EYA1: variants seen among roughly 807,000 people sequenced by gnomAD.
The protein encoded by EYA1 is protein phosphatase EYA1.
Under a neutral mutation model 82.0 loss-of-function variants are expected in EYA1, and 16 were observed. That is an observed-to-expected ratio of 0.20 (90% CI 0.13 to 0.30). EYA1 has a LOEUF of 0.30. Ranked by LOEUF, EYA1 falls within the 10% of genes least tolerant of loss-of-function variation. EYA1 has a pLI of 1.00. For missense variants in EYA1, 633 were observed against 730.7 expected (o/e 0.87, Z 1.54); for synonymous variants, 261 against 264.4 (o/e 0.99, Z 0.12).
At chr8:71,273,287 T>C (rs1294992204) in intron 9 of EYA1, among the ~76,000 whole-genome samples, 1 of 152,248 alleles carries the variant, frequency 6.6e-6, no homozygotes, top group Non-Finnish European at 1.5e-5. Context: ...CCTGTAAGCT[T>C]ATTAATGACA....
At chr8:71,462,183 G>T (rs1808411831) in intron 2 of EYA1, among the ~76,000 whole-genome samples, 1 of 152,146 alleles carries the variant, frequency 6.6e-6, no homozygotes, top group Non-Finnish European at 1.5e-5. Context: ...CGTCCATGGT[G>T]CCCAGGCTGC....
At chr8:71,538,049 A>G (rs147844959) in intron 1 of EYA1, among the ~76,000 whole-genome samples, 1 of 152,352 alleles carries the variant, frequency 6.6e-6, no homozygotes, top group Non-Finnish European at 1.5e-5. Context: ...CGTGGACTTT[A>G]TTTACAAATC....
chr8:71,262,549 C>A (rs1162604469), intron 11 of EYA1, among the ~76,000 whole-genome samples: 1 of 152,124 alleles, frequency 6.6e-6, no homozygotes, highest in African/African-American at 2.4e-5. Flanking sequence ...CTGCTTTTTC[C>A]AAGGCCACAG....
intron 2 of EYA1, among the ~76,000 whole-genome samples, chr8:71,428,975 C>T (rs967945394): frequency 4.6e-5 from 7 of 152,140 alleles, no homozygotes; most frequent in African/African-American, 1.7e-4. Flanking sequence ...GGCCTTCACT[C>T]CTGTCTGCAG....
chr8:71,449,343 C>T (rs1249229558), intron 2 of EYA1: 1 of 152,252 alleles, frequency 6.6e-6, no homozygotes, highest in Non-Finnish European at 1.5e-5. Flanking sequence ...ACTCCTTGAT[C>T]CACGGGCTGC....
chr8:71,262,234 T>A (rs7826802), intron 11 of EYA1, among the ~76,000 whole-genome samples: 1 of 152,226 alleles, frequency 6.6e-6, no homozygotes, highest in Non-Finnish European at 1.5e-5. Flanking sequence ...TGAACAAAGA[T>A]GCAGTCTTTT....
At chr8:71,456,248 A>G (rs1368418900) in intron 2 of EYA1, among the ~76,000 whole-genome samples, 4 of 152,210 alleles carry the variant, frequency 2.6e-5, no homozygotes, top group Non-Finnish European at 5.9e-5. Context: ...CTGCTCAACA[A>G]AATAAAAGAG....
Position 71,517,944 on chromosome 8 carries a change from T to C in EYA1, c.33+17800A>G, listed in dbSNP as rs538506449. Among the ~76,000 whole-genome samples, 10 of 151,958 alleles carry C rather than the reference T, an allele frequency of 6.6e-5. No homozygotes were observed. In the South Asian group the frequency reaches 2.1e-3, roughly 31 times the overall value. ...ATTGTCTAAACTAGCAGTTTCCCAATGTTTTTTAATCATAAATTCTTCATC... is the reference window on the plus strand; with the variant it reads ...ATTGTCTAAACTAGCAGTTTCCCAACGTTTTTTAATCATAAATTCTTCATC... On this transcript the variant is annotated intron_variant, in intron 2 of 18. Coordinates refer to the EYA1 transcript ENST00000643681.
intron 2 of EYA1, among the ~76,000 whole-genome samples, chr8:71,480,527 A>G (rs1220314265): frequency 2.6e-5 from 4 of 152,178 alleles, no homozygotes; most frequent in Non-Finnish European, 5.9e-5. Context: ...TGAGAGATTA[A>G]GATCCACCCC....
chr8:71,323,705 A>G (rs1456967214), intron 4 of EYA1, among the ~76,000 whole-genome samples: 1 of 152,094 alleles, frequency 6.6e-6, no homozygotes, highest in African/African-American at 2.4e-5. Context: ...CTGAGCCACT[A>G]CTCTGTTCCA....
intron 2 of EYA1, among the ~76,000 whole-genome samples, chr8:71,464,448 G>A (rs780731084): frequency 1.3e-5 from 2 of 152,246 alleles, no homozygotes; most frequent in South Asian, 2.1e-4. Context: ...CATCTTCATC[G>A]TTTTCCCCAT....
chr8:71,274,950 G>C (rs1418776015), intron 9 of EYA1, among the ~76,000 whole-genome samples: 1 of 152,272 alleles, frequency 6.6e-6, no homozygotes, highest in African/African-American at 2.4e-5. Flanking sequence ...GAGAGCAAGC[G>C]AGTGAACAAG....
At chr8:71,348,103 G>A (rs561173571) in intron 3 of EYA1, among the ~76,000 whole-genome samples, 27 of 152,160 alleles carry the variant, frequency 1.8e-4, no homozygotes, top group African/African-American at 5.8e-4. Context: ...AACCAAAAAT[G>A]GAAAATTTGT....
intron 7 of EYA1, among the ~76,000 whole-genome samples, chr8:71,307,613 A>T (rs1372054161): frequency 6.6e-6 from 1 of 152,204 alleles, no homozygotes; most frequent in Non-Finnish European, 1.5e-5. Context: ...AATATTTTTG[A>T]ATCTCCAGTA....
chr8:71,284,132 C>A (rs1818120648), intron 9 of EYA1, among the ~76,000 whole-genome samples: 1 of 152,202 alleles, frequency 6.6e-6, no homozygotes, highest in Admixed American at 6.5e-5. Flanking sequence ...GGCTGTGCAG[C>A]CTCTGATGGG....
At chr8:71,394,009 G>T (rs10098130) in intron 2 of EYA1, among the ~76,000 whole-genome samples, 109,051 of 152,098 alleles carry the variant, frequency 0.72, 39,899 homozygotes, top group African/African-American at 0.81. Flanking sequence ...GGTATCTCAT[G>T]GTGGTTTTTA....
chr8:71,354,877 T>C lies in EYA1; in HGVS notation c.29A>G (p.His10Arg), dbSNP rs1052858465. ...TTCACTACTACCACTCAGACGGCTA[T>C]GCGGGCTGGTTAGATCCTGCATTTC... MEMQDLTSP[H>R]SRLSGSSESP... Residue 10 changes from histidine to arginine, a missense_variant, in exon 3 of 18, where the codon CAT becomes CGT. Transcript: ENST00000340726. 2.5e-6 allele frequency: 4 copies of C among 1,613,554 alleles called. No individual in the cohort carries two copies. Among genetic ancestry groups the C allele is most frequent in the Admixed American group, 1.7e-5 (1 of 59,986 alleles).
chr8:71,533,111 G>A lies in EYA1; in HGVS notation c.33+2633C>T, dbSNP rs1222405851. 3.3e-5 allele frequency among the ~76,000 whole-genome samples: 5 copies of A among 152,322 alleles called. No individual in the cohort carries two copies. In the East Asian group the frequency reaches 5.8e-4, roughly 18 times the overall value. Reference sequence around the variant, plus strand: ...AATTAGAACAGCGGTTGCCTGTGGGGTGAGAGGATGAGTACTGGGGAAGTA... The same window carrying A: ...AATTAGAACAGCGGTTGCCTGTGGGATGAGAGGATGAGTACTGGGGAAGTA... On this transcript the variant is annotated intron_variant, in intron 2 of 18. Coordinates refer to the EYA1 transcript ENST00000643681.
intron 3 of EYA1, among the ~76,000 whole-genome samples, chr8:71,348,022 C>T (rs1314994937): frequency 3.3e-5 from 5 of 152,062 alleles, no homozygotes; most frequent in Admixed American, 3.3e-4. Flanking sequence ...TGAAGACTTG[C>T]TTTCTCTCTA....
Sources: allele counts gnomAD v4.1 joint callset (sites outside exome capture counted in the v4.1 genomes callset), GRCh38; gene constraint gnomAD v4.1.1; transcripts MANE v1.5; gene names NCBI Gene and HGNC (gene_info 2026-07-23, HGNC 2026-07-21).